Variants in TRMT44 observed in about 807,000 individuals in gnomAD.
The protein encoded by TRMT44 is probable tRNA (uracil-O(2)-)-methyltransferase.
A neutral mutation model predicts 77.3 loss-of-function variants in TRMT44; 78 were observed. The observed-to-expected ratio is 1.01, with a 90% CI of 0.84 to 1.22. The LOEUF (loss-of-function observed/expected upper bound fraction) is 1.22, where lower values mean the gene tolerates loss of function less well. Ranked by LOEUF, TRMT44 falls within the 50% of genes most tolerant of loss-of-function variation. TRMT44 has a pLI of 0.00. For missense variants in TRMT44, 1,090 were observed against 964.4 expected (o/e 1.13, Z -1.73); for synonymous variants, 391 against 383.3 (o/e 1.02, Z -0.23).
the TRMT44 span, among the ~76,000 whole-genome samples, chr4:8,514,770 C>T: frequency 2.0e-5 from 3 of 152,060 alleles, no homozygotes; most frequent in South Asian, 2.1e-4. Context: ...CTGAGTTGAA[C>T]GGTTTTGATA....
the TRMT44 span, among the ~76,000 whole-genome samples, chr4:8,501,273 C>CG: frequency 6.6e-6 from 1 of 152,126 alleles, no homozygotes; most frequent in African/African-American, 2.4e-5. This position sits in a 1 kb window ranked among gnomAD's most constrained non-coding sequence, Gnocchi z 4.4. Flanking sequence ...CCTGGTCCAT[C>CG]GGGGGATGTG....
At chr4:8,457,025 C>A (rs943835311) in intron 6 of TRMT44, among the ~76,000 whole-genome samples, 2 of 146,018 alleles carry the variant, frequency 1.4e-5, no homozygotes, top group African/African-American at 2.5e-5. Flanking sequence ...CCGCCCCCCC[C>A]CCCCAACTAT....
downstream of TRMT44, among the ~76,000 whole-genome samples, chr4:8,496,732 G>T (rs1041905711): frequency 1.3e-5 from 2 of 151,990 alleles, no homozygotes; most frequent in African/African-American, 2.4e-5. Context: ...GAGCCTCAGG[G>T]GCAGCCAGTA....
chr4:8,475,376 G>A (rs1044947633), intron 10 of TRMT44, among the ~76,000 whole-genome samples: 4 of 152,208 alleles, frequency 2.6e-5, no homozygotes, highest in Admixed American at 6.5e-5. Context: ...GGGAAGGTCG[G>A]TGGCCTCAAT....
At chr4:8,468,454 C>T (rs1460334155) in intron 9 of TRMT44, 108 bp downstream of exon 9, 4 of 1,188,866 alleles carry the variant, frequency 3.4e-6, no homozygotes, top group Non-Finnish European at 4.9e-6. Context: ...TGACTACACA[C>T]TTTGAAAAAG....
chr4:8,468,160 G>C lies in TRMT44; in HGVS notation c.1741G>C (p.Ala581Pro), dbSNP rs1224951482. The C allele has an allele frequency of 1.2e-6, 2 of 1,614,098 alleles. No homozygotes were observed. Among genetic ancestry groups the C allele is most frequent in the Admixed American group, 1.7e-5 (1 of 60,026 alleles). The change falls in exon 9 of 11, where the codon GCT becomes CCT. Residue 581 changes from alanine to proline, a missense_variant. Transcript: ENST00000389737. ...WAAEHGAGPQAEGPWLPGFHP... is the reference protein window; with the variant it reads ...WAAEHGAGPQPEGPWLPGFHP... Reference sequence around the variant, plus strand: ...CGCTGAGCATGGAGCAGGGCCCCAGGCTGAAGGACCCTGGCTACCTGGATT... The same window carrying C: ...CGCTGAGCATGGAGCAGGGCCCCAGCCTGAAGGACCCTGGCTACCTGGATT...
downstream of TRMT44, among the ~76,000 whole-genome samples, chr4:8,494,238 C>T (rs1728091598): frequency 6.6e-6 from 1 of 152,048 alleles, no homozygotes; most frequent in African/African-American, 2.4e-5. Context: ...ACCTCCCTCA[C>T]AATTTGTTCC....
intron 1 of TRMT44, among the ~76,000 whole-genome samples, chr4:8,442,377 C>T (rs1724797399): frequency 6.6e-6 from 1 of 152,224 alleles, no homozygotes; most frequent in Admixed American, 6.5e-5. Flanking sequence ...CGTTAAATCT[C>T]TGGCATTTAT....
the TRMT44 span, among the ~76,000 whole-genome samples, chr4:8,513,961 T>C: frequency 6.6e-6 from 1 of 152,002 alleles, no homozygotes; most frequent in Admixed American, 6.6e-5. Flanking sequence ...AACCACTTGG[T>C]TTGAACCCAA....
chr4:8,499,930 G>A, the TRMT44 span, among the ~76,000 whole-genome samples: 2 of 151,286 alleles, frequency 1.3e-5, no homozygotes, highest in East Asian at 3.9e-4. Flanking sequence ...AGCCAAAATA[G>A]AGAGAGAGCT....
At chr4:8,474,584 A>G (rs1455027643) in intron 10 of TRMT44, among the ~76,000 whole-genome samples, 2 of 152,210 alleles carry the variant, frequency 1.3e-5, no homozygotes, top group Admixed American at 6.5e-5. Flanking sequence ...TTATTGCCAC[A>G]CACAAGGTGA....
intron 2 of TRMT44, among the ~76,000 whole-genome samples, chr4:8,482,792 G>A (rs552493268): frequency 6.6e-6 from 1 of 151,966 alleles, no homozygotes; most frequent in Non-Finnish European, 1.5e-5. Flanking sequence ...GGGCATATAC[G>A]TGCAAGTCAC....
At chr4:8,469,836 TCAGG>T (rs1396860720) in intron 9 of TRMT44, among the ~76,000 whole-genome samples, 3 of 152,220 alleles carry the variant, frequency 2.0e-5, no homozygotes, top group African/African-American at 7.2e-5. Flanking sequence ...CAGCCTGTCC[TCAGG>T]CAGGCACCTC....
intron 10 of TRMT44, among the ~76,000 whole-genome samples, chr4:8,475,292 C>A (rs1727300617): frequency 6.6e-6 from 1 of 152,214 alleles, no homozygotes; most frequent in Admixed American, 6.5e-5. Flanking sequence ...GGCTCTCACA[C>A]CGTGGTCCCT....
In TRMT44 at chr4:8,446,061, C is replaced by T. The variant is rs914910297; in HGVS notation, c.620-415C>T. Among the ~76,000 whole-genome samples, 9 of 152,196 alleles carry T rather than the reference C, an allele frequency of 5.9e-5. No homozygotes were observed. Among genetic ancestry groups the T allele is most frequent in the African/African-American group, 2.2e-4 (9 of 41,436 alleles). Reference sequence around the variant, plus strand: ...TTGTTAGGAAGGCCTGGACTGATATCCGCTTTCCTGAACTGGCCTCTGATG... The same window carrying T: ...TTGTTAGGAAGGCCTGGACTGATATTCGCTTTCCTGAACTGGCCTCTGATG... On this transcript the variant is annotated intron_variant, in intron 1 of 10. Coordinates refer to ENST00000389737, the MANE Select transcript of TRMT44 (RefSeq NM_152544.3). This position sits in a 1 kb window ranked among gnomAD's most constrained non-coding sequence, Gnocchi z 4.3.
At chr4:8,510,813 G>A in the TRMT44 span, 1 of 152,324 alleles carries the variant, frequency 6.6e-6, no homozygotes, top group African/African-American at 2.4e-5. Context: ...TGGGGTGGAG[G>A]GGGCACAGGG....
chr4:8,440,799 A>C lies in TRMT44; in HGVS notation c.-24A>C, dbSNP rs1724595473. On this transcript the variant is annotated 5_prime_UTR_variant, in exon 1 of 11. Transcript: ENST00000389737. Reference sequence around the variant, plus strand: ...TGCGTCATCTCGGCGCGCCGCTGCCAGGGCTGTACACCTGCTGGCTGCCAT... The same window carrying C: ...TGCGTCATCTCGGCGCGCCGCTGCCCGGGCTGTACACCTGCTGGCTGCCAT... 2.1e-6 allele frequency: 3 copies of C among 1,399,062 alleles called. No homozygotes were observed. The highest frequency in any genetic ancestry group is 2.8e-6 in the Non-Finnish European group (3 of 1,080,458). The allele number at this position is 1,399,062 out of a possible 1,614,324, so 86.7% of individuals were successfully genotyped here.
At position 8,476,347 on chromosome 4, in the gene TRMT44, G is replaced by A. The variant is rs542417300; in HGVS notation, c.*346G>A. The A allele has an allele frequency of 4.5e-5, 14 of 314,164 alleles. No individual in the cohort carries two copies. In the South Asian group the frequency reaches 5.4e-4, roughly 12 times the overall value. The allele number at this position is 314,164 out of a possible 1,614,324, so 19.5% of individuals were successfully genotyped here. Reference sequence around the variant, plus strand: ...ACAGGCCCTTCCCAGGGCGCTGTCCGACGCCTGCCCCACCATGTCCACATC... The same window carrying A: ...ACAGGCCCTTCCCAGGGCGCTGTCCAACGCCTGCCCCACCATGTCCACATC... On this transcript the variant is annotated 3_prime_UTR_variant, in exon 11 of 11. Transcript: ENST00000389737.
chr4:8,496,619 T>G (rs971313813), downstream of TRMT44, among the ~76,000 whole-genome samples: 2 of 152,130 alleles, frequency 1.3e-5, no homozygotes, highest in Non-Finnish European at 2.9e-5. Context: ...AGAAGGAAAG[T>G]GAATTGCTCA....
Sources: gnomAD v4.1 joint callset for allele counts (sites outside exome capture counted in the v4.1 genomes callset) on GRCh38, gnomAD v4.1.1 for gene constraint, Gnocchi (gnomAD v3.1) non-coding constraint, MANE v1.5 for transcripts, NCBI Gene and HGNC (gene_info 2026-07-23, HGNC 2026-07-21) for gene names.